WARS1: variants seen among roughly 807,000 people sequenced by gnomAD.
WARS1 encodes the protein tryptophanyl-tRNA synthetase 1.
A neutral mutation model predicts 47.8 loss-of-function variants in WARS1; 17 were observed. That is an observed-to-expected ratio of 0.36 (90% CI 0.24 to 0.53). The LOEUF is 0.53. Among genes scored for constraint, WARS1 ranks in the 20% least tolerant of loss-of-function variants. The pLI is 0.91. For synonymous variants in WARS1, 208 were observed against 228.1 expected, an observed-to-expected ratio of 0.91 and a Z score of 0.79; for missense variants, 434 against 608.0, an observed-to-expected ratio of 0.71 and a Z score of 3.01.
intron 10 of WARS1, among the ~76,000 whole-genome samples, chr14:100,335,645 A>G (rs978570555): frequency 6.6e-6 from 1 of 152,032 alleles, no homozygotes; most frequent in African/African-American, 2.4e-5. Flanking sequence ...TCGGCCTCCC[A>G]AAGTGCTAGG....
At chr14:100,368,397 G>A (rs773599560) in intron 2 of WARS1, 11 of 455,856 alleles carry the variant, frequency 2.4e-5, no homozygotes, top group Non-Finnish European at 4.4e-5. Context: ...CAATACAGAT[G>A]GGGAGACTGC....
At chr14:100,345,760 CATT>C (rs1246924569) in intron 7 of WARS1, among the ~76,000 whole-genome samples, 8 of 152,300 alleles carry the variant, frequency 5.3e-5, no homozygotes, top group Admixed American at 4.6e-4. Context: ...TTATTACTGT[CATT>C]AGTATTTGCT....
chr14:100,360,956 A>C (rs1895624222), intron 3 of WARS1, among the ~76,000 whole-genome samples: 2 of 152,154 alleles, frequency 1.3e-5, no homozygotes, highest in African/African-American at 4.8e-5. Context: ...CCAGCTAGCA[A>C]CTTTTGACAA....
intron 2 of WARS1, chr14:100,368,420 T>C: frequency 4.4e-6 from 2 of 456,006 alleles, no homozygotes; most frequent in Non-Finnish European, 8.8e-6. Context: ...GGACGGGAAG[T>C]GGTTGTGAAG....
intron 4 of WARS1, 104 bp from the exon 5 acceptor site, chr14:100,354,670 TG>T: frequency 7.6e-7 from 1 of 1,312,936 alleles, no homozygotes; most frequent in Non-Finnish European, 1.0e-6. Flanking sequence ...CGAAACAACA[TG>T]GATAATAACT....
At chr14:100,349,478 G>A (rs891095948) in intron 6 of WARS1, among the ~76,000 whole-genome samples, 1 of 152,166 alleles carries the variant, frequency 6.6e-6, no homozygotes, top group African/African-American at 2.4e-5. Flanking sequence ...CTCCTCCCAT[G>A]CCCGGGCCAC....
intron 6 of WARS1, chr14:100,352,754 G>C (rs999542567): frequency 6.6e-6 from 1 of 152,172 alleles, no homozygotes; most frequent in African/African-American, 2.4e-5. Context: ...CTCACCTTAG[G>C]GGAGTACCAC....
chr14:100,338,265 A>G (rs1290126508), intron 9 of WARS1, among the ~76,000 whole-genome samples: 2 of 151,652 alleles, frequency 1.3e-5, no homozygotes, highest in South Asian at 2.1e-4. Context: ...AGAAAATGTC[A>G]CCCTAATTTT....
chr14:100,355,790 C>A (rs1450275830), intron 4 of WARS1, among the ~76,000 whole-genome samples: 1 of 152,102 alleles, frequency 6.6e-6, no homozygotes, highest in Non-Finnish European at 1.5e-5. Flanking sequence ...GCTTAGTTTT[C>A]ATTTTTTTTC....
intron 1 of WARS1, among the ~76,000 whole-genome samples, chr14:100,369,749 C>T (rs1403878834): frequency 6.6e-6 from 1 of 151,324 alleles, no homozygotes; most frequent in Non-Finnish European, 1.5e-5. Flanking sequence ...GTGATCTTGG[C>T]TCACTGCAAC....
intron 7 of WARS1, among the ~76,000 whole-genome samples, chr14:100,344,546 C>T (rs1229980377): frequency 1.3e-5 from 2 of 151,386 alleles, no homozygotes; most frequent in Non-Finnish European, 2.9e-5. Flanking sequence ...GGCCGCCCAT[C>T]GTCTGGGACG....
At chr14:100,341,678 C>T (rs1375477840) in intron 9 of WARS1, among the ~76,000 whole-genome samples, 1 of 152,244 alleles carries the variant, frequency 6.6e-6, no homozygotes, top group African/African-American at 2.4e-5. Context: ...AAACTAACTT[C>T]TCCTTTTAGT....
At chr14:100,364,665 A>T (rs1453547161) in intron 2 of WARS1, among the ~76,000 whole-genome samples, 1 of 152,206 alleles carries the variant, frequency 6.6e-6, no homozygotes, top group East Asian at 1.9e-4. Context: ...CAAATAATAC[A>T]CTTGGAAGAG....
chr14:100,361,686 G>A (rs1895670653), intron 3 of WARS1, 22 bp downstream of exon 3: 2 of 1,603,138 alleles, frequency 1.2e-6, no homozygotes, highest in Admixed American at 1.7e-5. Flanking sequence ...AGCTTTTTCT[G>A]GGAAGAAAGC....
chr14:100,342,324 G>A (rs945976964), intron 9 of WARS1, 74 bp downstream of exon 9: 69 of 1,573,216 alleles, frequency 4.4e-5, no homozygotes, highest in Non-Finnish European at 5.9e-5. Context: ...CTGCGCAGTG[G>A]TGTGTGTGTG....
At position 100,370,912 on chromosome 14, in the gene WARS1, C is replaced by T. The variant is rs557338565; in HGVS notation, c.-73-1654G>A. On this transcript the variant is annotated intron_variant, in intron 1 of 10. Transcript: ENST00000392882. The stretch of plus-strand genomic sequence containing the variant: ...GAGCTACGTTTGCGCCACTGTACTC[C>T]AGCCCGGGTGACAGAGTAAGACCCT... 3.9e-5 allele frequency among the ~76,000 whole-genome samples: 6 copies of T among 152,116 alleles called. No individual in the cohort carries two copies. In the South Asian group the frequency reaches 1.0e-3, roughly 26 times the overall value.
intron 2 of WARS1, among the ~76,000 whole-genome samples, chr14:100,363,300 A>G (rs1377952785): frequency 1.3e-5 from 2 of 152,066 alleles, no homozygotes; most frequent in Non-Finnish European, 2.9e-5. Flanking sequence ...GACCATCTGC[A>G]TTTTGGAATA....
At chr14:100,343,612 A>G (rs1418578510) in intron 7 of WARS1, among the ~76,000 whole-genome samples, 2 of 151,892 alleles carry the variant, frequency 1.3e-5, no homozygotes, top group Non-Finnish European at 1.5e-5. Flanking sequence ...TGATTACACT[A>G]TATTTGGTCT....
chr14:100,335,133 A>T (rs1893630403), intron 10 of WARS1, 97 bp from the exon 11 acceptor site: 1 of 1,225,412 alleles, frequency 8.2e-7, no homozygotes, highest in Non-Finnish European at 1.1e-6. Flanking sequence ...CCACCCATGC[A>T]GAGCCTGGCA....
Sources: allele counts gnomAD v4.1 joint callset (sites outside exome capture counted in the v4.1 genomes callset), GRCh38; gene constraint gnomAD v4.1.1; transcripts MANE v1.5; gene names NCBI Gene and HGNC (gene_info 2026-07-23, HGNC 2026-07-21).